DAPP1: variants seen among roughly 807,000 people sequenced by gnomAD.
DAPP1 encodes dual adaptor of phosphotyrosine and 3-phosphoinositides 1, also known as dual adapter for phosphotyrosine and 3-phosphotyrosine and 3-phosphoinositide.
In DAPP1, 20 loss-of-function variants were observed where a neutral mutation model predicts 41.5. The ratio of observed to expected loss-of-function variants is 0.48; its 90% CI spans 0.34 to 0.70. The LOEUF (loss-of-function observed/expected upper bound fraction) is 0.70, where lower values mean the gene tolerates loss of function less well. Among genes scored for constraint, DAPP1 ranks in the 30% least tolerant of loss-of-function variants. The pLI is 0.01. For synonymous variants in DAPP1, 113 were observed against 116.2 expected, an observed-to-expected ratio of 0.97 and a Z score of 0.18; for missense variants, 233 against 333.4, an observed-to-expected ratio of 0.70 and a Z score of 2.35.
rs370992916 is a variant in DAPP1, at chr4:99,817,041, T to C, written c.101+27T>C. ...TAAGGCAGCAGATCTCCTTTCAAAG[T>C]ACCTAGTGGGTGGACATTGACTCCG... On this transcript the variant is annotated intron_variant, in intron 1 of 8. Coordinates refer to ENST00000512369, the MANE Select transcript of DAPP1 (RefSeq NM_014395.3). The C allele has an allele frequency of 3.9e-6, 6 of 1,550,142 alleles. No individual in the cohort carries two copies. In the African/African-American group the frequency reaches 8.2e-5, roughly 21 times the overall value.
At chr4:99,851,590 G>A (rs1167515928) in intron 3 of DAPP1, among the ~76,000 whole-genome samples, 1 of 141,110 alleles carries the variant, frequency 7.1e-6, no homozygotes, top group Non-Finnish European at 1.5e-5. Flanking sequence ...ACTCAGGCTG[G>A]AGTGCAGTGG....
intron 2 of DAPP1, among the ~76,000 whole-genome samples, chr4:99,839,694 C>T (rs1241489740): frequency 6.6e-6 from 1 of 152,152 alleles, no homozygotes; most frequent in Non-Finnish European, 1.5e-5. Context: ...TGCCCCTTAG[C>T]AGCATAATGT....
At chr4:99,827,457 C>T (rs758557939) in intron 1 of DAPP1, among the ~76,000 whole-genome samples, 68 of 151,272 alleles carry the variant, frequency 4.5e-4, no homozygotes, top group Admixed American at 9.2e-4. Context: ...GGCGTGAACC[C>T]GGGAGGCAGA....
chr4:99,832,773 A>G (rs1208552611), intron 1 of DAPP1, among the ~76,000 whole-genome samples: 1 of 152,238 alleles, frequency 6.6e-6, no homozygotes, highest in East Asian at 1.9e-4. Flanking sequence ...GAATTCTATA[A>G]ATGTTTTAAA....
At chr4:99,820,987 A>ATTATTATTATT (rs2110132061) in intron 1 of DAPP1, among the ~76,000 whole-genome samples, 1 of 152,310 alleles carries the variant, frequency 6.6e-6, no homozygotes, top group East Asian at 1.9e-4. Context: ...GGAATAAATG[A>ATTATTATTATT]TAATAAACAA....
At chr4:99,829,466 G>A (rs1057305486) in intron 1 of DAPP1, among the ~76,000 whole-genome samples, 7 of 151,912 alleles carry the variant, frequency 4.6e-5, no homozygotes, top group Non-Finnish European at 8.8e-5. Context: ...GGTGACAAGA[G>A]TGAAACTCCG....
chr4:99,861,678 A>G (rs1348169946), intron 5 of DAPP1, 53 bp downstream of exon 5: 2 of 1,525,352 alleles, frequency 1.3e-6, no homozygotes, highest in Non-Finnish European at 1.8e-6. Flanking sequence ...AGAACACGTC[A>G]TGTAGACTCA....
At chr4:99,843,095 G>C (rs539477279) in intron 3 of DAPP1, among the ~76,000 whole-genome samples, 1 of 152,162 alleles carries the variant, frequency 6.6e-6, no homozygotes, top group African/African-American at 2.4e-5. Context: ...GATATTTCAG[G>C]CCACTGCTCT....
At chr4:99,822,419 G>A (rs934266789) in intron 1 of DAPP1, among the ~76,000 whole-genome samples, 17 of 152,126 alleles carry the variant, frequency 1.1e-4, no homozygotes, top group Admixed American at 4.6e-4. Flanking sequence ...CTGTGACAGT[G>A]TCTAGATAAA....
chr4:99,849,862 A>C (rs760558494), intron 3 of DAPP1, among the ~76,000 whole-genome samples: 2 of 152,216 alleles, frequency 1.3e-5, no homozygotes, highest in Non-Finnish European at 2.9e-5. Flanking sequence ...GAAAGATGGC[A>C]GCAGGAGAAG....
chr4:99,853,446 C>A, intron 4 of DAPP1, 98 bp downstream of exon 4: 1 of 1,456,924 alleles, frequency 6.9e-7, no homozygotes. Flanking sequence ...CATAAAAATT[C>A]TAGCTTGGAA....
chr4:99,827,722 C>G (rs1161399218), intron 1 of DAPP1, among the ~76,000 whole-genome samples: 2 of 152,120 alleles, frequency 1.3e-5, no homozygotes, highest in African/African-American at 4.8e-5. Flanking sequence ...AATAAGGGAG[C>G]TCCTGTGCTG....
chr4:99,843,095 G>A (rs539477279), intron 3 of DAPP1, among the ~76,000 whole-genome samples: 1 of 152,280 alleles, frequency 6.6e-6, no homozygotes, highest in African/African-American at 2.4e-5. Context: ...GATATTTCAG[G>A]CCACTGCTCT....
At position 99,869,533 on chromosome 4, in the gene DAPP1, A is replaced by G. The variant is rs1240460265; in HGVS notation, c.*1348A>G. On this transcript the variant is annotated 3_prime_UTR_variant, in exon 9 of 9. Transcript: ENST00000512369. ...CATCTCAGACGCAAAAATTACATTA[A>G]ATTTTTGTATATTTCAACAACATTT... 1.3e-5 allele frequency: 2 copies of G among 152,232 alleles called. No individual in the cohort carries two copies. Among genetic ancestry groups the G allele is most frequent in the Non-Finnish European group, 2.9e-5 (2 of 68,040 alleles). 9.4% of individuals were successfully genotyped at this position (152,232 alleles called of 1,614,324 possible).
chr4:99,854,758 C>G (rs922160616), intron 4 of DAPP1, among the ~76,000 whole-genome samples: 1 of 152,218 alleles, frequency 6.6e-6, no homozygotes, highest in African/African-American at 2.4e-5. Context: ...TTCCAGGAAG[C>G]CTTTCTTCAC....
chr4:99,817,617 T>G (rs1159987562), intron 1 of DAPP1, among the ~76,000 whole-genome samples: 1 of 152,206 alleles, frequency 6.6e-6, no homozygotes, highest in Non-Finnish European at 1.5e-5. Context: ...GGATAAAATT[T>G]CTGCTTCAAA....
chr4:99,819,144 G>A (rs930734890), intron 1 of DAPP1, among the ~76,000 whole-genome samples: 11 of 152,084 alleles, frequency 7.2e-5, no homozygotes, highest in African/African-American at 2.2e-4. Flanking sequence ...AAATATACCC[G>A]TTTCAAGTGT....
chr4:99,864,769 G>C (rs1333677497), intron 7 of DAPP1: 1 of 152,064 alleles, frequency 6.6e-6, no homozygotes, highest in East Asian at 1.9e-4. Context: ...TACTACACCT[G>C]TAGGTCTCAT....
intron 7 of DAPP1, chr4:99,865,002 A>T (rs938761710): frequency 6.6e-6 from 1 of 152,198 alleles, no homozygotes; most frequent in African/African-American, 2.4e-5. Context: ...ACAGTTAATA[A>T]TGTCTCCCAT....
Sources: gnomAD v4.1 joint callset for allele counts (sites outside exome capture counted in the v4.1 genomes callset) on GRCh38, gnomAD v4.1.1 for gene constraint, MANE v1.5 for transcripts, NCBI Gene and HGNC (gene_info 2026-07-23, HGNC 2026-07-21) for gene names.